YAE1: variants seen among roughly 807,000 people sequenced by gnomAD.
YAE1 encodes the protein YAE1 maturation factor of ABCE1, also known as protein YAE1 homolog.
In YAE1, 22 loss-of-function variants were observed where a neutral mutation model predicts 23.0. The ratio of observed to expected loss-of-function variants is 0.96; its 90% CI spans 0.68 to 1.37. The LOEUF (loss-of-function observed/expected upper bound fraction) is 1.37. Ranked by LOEUF, YAE1 falls within the 40% of genes most tolerant of loss-of-function variation. YAE1 has a pLI of 0.00. For synonymous variants in YAE1, 101 were observed against 97.0 expected, an observed-to-expected ratio of 1.04 and a Z score of -0.24; for missense variants, 260 against 262.1, an observed-to-expected ratio of 0.99 and a Z score of 0.06.
At chr7:39,573,936 T>G (rs906218429), downstream of YAE1, among the ~76,000 whole-genome samples, 1 of 152,240 alleles carries the variant, frequency 6.6e-6, no homozygotes, top group African/African-American at 2.4e-5. Flanking sequence ...AGAGATTTAC[T>G]AGTTTGTCTT....
At chr7:39,570,775 C>CCT in intron 2 of YAE1, 148 bp downstream of exon 2, 1 of 985,612 alleles carries the variant, frequency 1.0e-6, no homozygotes, top group Non-Finnish European at 1.4e-6. Flanking sequence ...ATATTGCCTT[C>CCT]AAAAAGTCAA....
chr7:39,606,249 G>A (rs1356722963), intron 2 of YAE1, among the ~76,000 whole-genome samples: 1 of 152,094 alleles, frequency 6.6e-6, no homozygotes, highest in Non-Finnish European at 1.5e-5. Flanking sequence ...GTTACAGATT[G>A]TATTTTTAAA....
At chr7:39,567,956 A>C (rs1418904839) in intron 1 of YAE1, among the ~76,000 whole-genome samples, 1 of 152,226 alleles carries the variant, frequency 6.6e-6, no homozygotes, top group Non-Finnish European at 1.5e-5. Flanking sequence ...CACTAAGTGT[A>C]CCATCCTGTT....
chr7:39,607,251 C>A (rs1413025291), intron 2 of YAE1, among the ~76,000 whole-genome samples: 2 of 152,092 alleles, frequency 1.3e-5, no homozygotes, highest in Non-Finnish European at 2.9e-5. Context: ...ATGTCCTACT[C>A]CCTGGAACCT....
At chr7:39,585,253 G>A (rs1372997516) in intron 2 of YAE1, among the ~76,000 whole-genome samples, 1 of 152,240 alleles carries the variant, frequency 6.6e-6, no homozygotes, top group East Asian at 1.9e-4. Flanking sequence ...ATATTTTATG[G>A]ACTGAATTGT....
chr7:39,570,298 G>A, intron 1 of YAE1: 1 of 688,646 alleles, frequency 1.5e-6, no homozygotes, highest in Non-Finnish European at 2.4e-6. Context: ...GGTAACTCTA[G>A]ACTTCAAAAG....
chr7:39,574,790 C>T (rs1193951552), downstream of YAE1, among the ~76,000 whole-genome samples: 4 of 150,704 alleles, frequency 2.7e-5, no homozygotes, highest in East Asian at 2.0e-4. Flanking sequence ...CTGTAGTCTT[C>T]GCTACTTGGG....
downstream of YAE1, among the ~76,000 whole-genome samples, chr7:39,577,760 A>G (rs572718878): frequency 2.3e-4 from 35 of 152,310 alleles, no homozygotes; most frequent in South Asian, 6.8e-3. Context: ...GGTCCCATGG[A>G]CTGCCCAAGG....
intron 2 of YAE1, among the ~76,000 whole-genome samples, chr7:39,579,120 G>T (rs1790704211): frequency 6.6e-6 from 1 of 152,220 alleles, no homozygotes. Flanking sequence ...TTTACTATAT[G>T]TAGGCACTAT....
At chr7:39,586,067 T>C (rs1384778400) in intron 2 of YAE1, among the ~76,000 whole-genome samples, 1 of 152,160 alleles carries the variant, frequency 6.6e-6, no homozygotes, top group Non-Finnish European at 1.5e-5. Flanking sequence ...ACCACCGCAC[T>C]CCAGCCTGGG....
intron 2 of YAE1, among the ~76,000 whole-genome samples, chr7:39,594,538 TTATAAG>T (rs1466429832): frequency 6.6e-6 from 1 of 152,176 alleles, no homozygotes; most frequent in Non-Finnish European, 1.5e-5. Context: ...TGTTCAGAGT[TTATAAG>T]TATTACTTGT....
chr7:39,602,422 A>C (rs1414018885), intron 2 of YAE1, among the ~76,000 whole-genome samples: 4 of 152,262 alleles, frequency 2.6e-5, no homozygotes, highest in Admixed American at 6.5e-5. Context: ...TACCATGAAC[A>C]GAAACTCATA....
chr7:39,568,130 TG>T (rs1488651979), intron 1 of YAE1, among the ~76,000 whole-genome samples: 6 of 152,058 alleles, frequency 3.9e-5, no homozygotes, highest in Non-Finnish European at 7.4e-5. Context: ...CCCAGCTACT[TG>T]GGAGGCTGAG....
chr7:39,598,831 A>G (rs1199081336), intron 2 of YAE1, among the ~76,000 whole-genome samples: 2 of 151,806 alleles, frequency 1.3e-5, no homozygotes, highest in East Asian at 1.9e-4. Context: ...AAAGAGAAGG[A>G]GAAGAAATTA....
At chr7:39,606,385 GTAGT>G (rs1791130302) in intron 2 of YAE1, among the ~76,000 whole-genome samples, 3 of 152,314 alleles carry the variant, frequency 2.0e-5, no homozygotes, top group African/African-American at 7.2e-5. Flanking sequence ...ACACCTACGT[GTAGT>G]TAAATTTTTA....
At chr7:39,586,899 G>A (rs117901405) in intron 2 of YAE1, among the ~76,000 whole-genome samples, 12 of 152,290 alleles carry the variant, frequency 7.9e-5, no homozygotes, top group Non-Finnish European at 2.9e-5. Flanking sequence ...GATGATAGAC[G>A]TGCAAGCCTT....
chr7:39,597,251 CAG>C (rs2115833994), intron 2 of YAE1, among the ~76,000 whole-genome samples: 1 of 152,280 alleles, frequency 6.6e-6, no homozygotes, highest in African/African-American at 2.4e-5. Flanking sequence ...ATTTCTCTCT[CAG>C]AGTCTTGTGA....
At chr7:39,602,795 C>T (rs1428086291) in intron 2 of YAE1, among the ~76,000 whole-genome samples, 2 of 152,214 alleles carry the variant, frequency 1.3e-5, no homozygotes, top group African/African-American at 4.8e-5. Flanking sequence ...GTCATCCAGG[C>T]TGGAGTGCCG....
Position 39,566,539 on chromosome 7 carries a change from C to A in YAE1, c.121C>A (p.Arg41=), listed in dbSNP as rs1192450532. ...GGAATGGCAGAGTAACATGCAAAGA[C>A]GAGTCAAAGTAAACGTGGTGTGGAC... ...QREWQSNMQR[R]VKEGYRDGID... is the part of the protein sequence containing the mutation. Residue 41 remains arginine (R), a synonymous_variant, in exon 1 of 3, where the codon CGA becomes AGA. Transcript: ENST00000223273. 1.9e-6 allele frequency: 3 copies of A among 1,613,802 alleles called. No individual in the cohort carries two copies. Among genetic ancestry groups the A allele is most frequent in the East Asian group, 2.2e-5 (1 of 44,882 alleles).
Sources: gnomAD v4.1 joint callset for allele counts (sites outside exome capture counted in the v4.1 genomes callset) on GRCh38, gnomAD v4.1.1 for gene constraint, MANE v1.5 for transcripts, NCBI Gene and HGNC (gene_info 2026-07-23, HGNC 2026-07-21) for gene names.